Variants in RNF10 observed in about 807,000 individuals in gnomAD.
The protein encoded by RNF10 is E3 ubiquitin-protein ligase RNF10.
RNF10 carries 38 observed loss-of-function variants against 91.4 expected under a neutral mutation model. That is an observed-to-expected ratio of 0.42 (90% CI 0.32 to 0.54). The LOEUF (loss-of-function observed/expected upper bound fraction) is 0.54. RNF10 is among the 20% of genes least tolerant of loss of function. RNF10 has a pLI of 0.16. For missense variants in RNF10, 945 were observed against 1,012.0 expected, an observed-to-expected ratio of 0.93 and a Z score of 0.90; for synonymous variants, 364 against 366.3, an observed-to-expected ratio of 0.99 and a Z score of 0.07.
intron 1 of RNF10, among the ~76,000 whole-genome samples, chr12:120,544,903 A>G (rs1224702175): frequency 6.6e-6 from 1 of 152,208 alleles, no homozygotes; most frequent in East Asian, 1.9e-4. Context: ...GATTGGTTAC[A>G]TTATTCTGTA....
At chr12:120,576,196 G>A (rs528644493) in intron 16 of RNF10, among the ~76,000 whole-genome samples, 1 of 152,326 alleles carries the variant, frequency 6.6e-6, no homozygotes, top group South Asian at 2.1e-4. Context: ...ACAGTGGGGT[G>A]TACAACCTGT....
At chr12:120,544,199 C>T (rs1434645431) in intron 1 of RNF10, among the ~76,000 whole-genome samples, 1 of 151,908 alleles carries the variant, frequency 6.6e-6, no homozygotes, top group Non-Finnish European at 1.5e-5. Context: ...TGCACTCCAG[C>T]CTGGGCAATA....
chr12:120,541,437 C>CTTT lies in RNF10; in HGVS notation c.158-4955_158-4953dup, dbSNP rs3049456. ...GGGGTTCTGCATCCCCTGAGTTTTCCTTTTTTTTTTTTTTTGAGACGGAGT... is the reference window on the plus strand; with the variant it reads ...GGGGTTCTGCATCCCCTGAGTTTTCCTTTTTTTTTTTTTTTTTTGAGACGGAGT... On this transcript the variant is annotated intron_variant, in intron 1 of 16. Transcript: ENST00000325954. 3.9e-3 allele frequency among the ~76,000 whole-genome samples: 543 copies of CTTT among 140,576 alleles called. 10 individuals are homozygous for CTTT. Among genetic ancestry groups the CTTT allele is most frequent in the Admixed American group, 6.6e-3 (91 of 13,752 alleles). 92.2% of individuals were successfully genotyped at this position (140,576 alleles called of 152,430 possible). A position where few individuals can be genotyped will look rare whatever the true frequency, so the allele number is the denominator to read the frequency against.
chr12:120,556,735 T>C (rs1874086399), intron 4 of RNF10, among the ~76,000 whole-genome samples: 1 of 152,252 alleles, frequency 6.6e-6, no homozygotes, highest in South Asian at 2.1e-4. Flanking sequence ...AGTTTTTTTA[T>C]AAATGGGAAT....
At chr12:120,576,377 G>A (rs1401384615) in intron 16 of RNF10, among the ~76,000 whole-genome samples, 1 of 152,184 alleles carries the variant, frequency 6.6e-6, no homozygotes, top group Non-Finnish European at 1.5e-5. Context: ...TGTACCTCAC[G>A]TTACAGATGG....
At chr12:120,544,544 C>T (rs1872027744) in intron 1 of RNF10, among the ~76,000 whole-genome samples, 2 of 152,034 alleles carry the variant, frequency 1.3e-5, no homozygotes, top group Admixed American at 1.3e-4. Context: ...GTAGTCTCAG[C>T]TGCTCAGGAG....
intron 13 of RNF10, among the ~76,000 whole-genome samples, chr12:120,567,854 A>G (rs944664912): frequency 2.1e-5 from 3 of 144,600 alleles, no homozygotes; most frequent in African/African-American, 7.6e-5. Flanking sequence ...AAAGCATTTC[A>G]TTATGGGTGT....
chr12:120,575,567 G>T (rs559815852), intron 14 of RNF10, 64 bp from the exon 15 acceptor site: 1 of 1,575,928 alleles, frequency 6.3e-7, no homozygotes. Flanking sequence ...GTCAAGGTAG[G>T]TCTGAAAAAG....
chr12:120,552,744 G>A (rs747755891), intron 3 of RNF10, 46 bp downstream of exon 3: 15 of 1,542,292 alleles, frequency 9.7e-6, no homozygotes, highest in Admixed American at 1.8e-5. Flanking sequence ...AGGACTCTCC[G>A]GATAGCTGTG....
intron 7 of RNF10, among the ~76,000 whole-genome samples, chr12:120,562,274 T>TC (rs1555228215): frequency 0.012 from 1,671 of 133,810 alleles, 29 homozygotes; most frequent in African/African-American, 0.048. Flanking sequence ...TTTCTTTCTT[T>TC]TTTTTTTTTT....
At chr12:120,542,641 C>G (rs574963708) in intron 1 of RNF10, among the ~76,000 whole-genome samples, 3 of 152,274 alleles carry the variant, frequency 2.0e-5, no homozygotes, top group Non-Finnish European at 2.9e-5. Flanking sequence ...CAACCTCTGC[C>G]TCCCGGGTTC....
intron 1 of RNF10, 139 bp downstream of exon 1, chr12:120,535,107 A>C (rs1870552140): frequency 2.2e-5 from 21 of 947,694 alleles, no homozygotes; most frequent in Admixed American, 3.1e-5. Context: ...CATGGCTCTC[A>C]TTTGCAGTTA....
intron 1 of RNF10, chr12:120,539,414 A>G (rs1871249654): frequency 1.6e-6 from 2 of 1,288,898 alleles, no homozygotes; most frequent in Non-Finnish European, 1.0e-6. Flanking sequence ...TTGATTCTGT[A>G]GTAAGGCCAT....
chr12:120,548,109 A>C (rs2137158758), intron 2 of RNF10, among the ~76,000 whole-genome samples: 1 of 152,344 alleles, frequency 6.6e-6, no homozygotes, highest in East Asian at 1.9e-4. Context: ...AGAAGAGCAC[A>C]AAGTTTTTTT....
chr12:120,552,100 A>C (rs1210353267), intron 2 of RNF10, among the ~76,000 whole-genome samples: 1 of 149,820 alleles, frequency 6.7e-6, no homozygotes, highest in Non-Finnish European at 1.5e-5. Flanking sequence ...AAAAAAAAAA[A>C]ATTCCTCTTC....
intron 1 of RNF10, among the ~76,000 whole-genome samples, chr12:120,538,135 AT>A (rs1871101804): frequency 6.6e-6 from 1 of 152,238 alleles, no homozygotes. Flanking sequence ...GACCTCTTGA[AT>A]TACAGAGTAC....
Position 120,563,515 on chromosome 12 carries a change from G to T in RNF10, c.1423G>T (p.Asp475Tyr). Residue 475 changes from aspartate (D) to tyrosine (Y), a missense_variant, in exon 9 of 17, where the codon GAC becomes TAC. Physicochemically the swap from Asp to Tyr is radical, Grantham distance 160. Transcript: ENST00000325954. Reference protein sequence around the residue: ...EACDDLELADDNLKEGTICTE... With the variant: ...EACDDLELADYNLKEGTICTE... ...CTGTGATGACTTGGAGTTAGCAGAT[G>T]ACAATCTTAAAGAGGGGACCATTTG... 6.2e-7 allele frequency: 1 copy of T among 1,614,172 alleles called. No individual in the cohort carries two copies. The highest frequency in any genetic ancestry group is 8.5e-7 in the Non-Finnish European group (1 of 1,180,026).
At position 120,576,703 on chromosome 12, in the gene RNF10, T is replaced by G; in HGVS notation, c.*37T>G. On this transcript the variant is annotated 3_prime_UTR_variant, in exon 17 of 17. Transcript: ENST00000325954. ...CAGGCTACCTTCTCCATCTGGTTTT[T>G]GTTTTTGTTTTTTTTTCCCCCATGC... The G allele has an allele frequency of 6.3e-7, 1 of 1,589,076 alleles. No homozygotes were observed. The highest frequency in any genetic ancestry group is 8.5e-7 in the Non-Finnish European group (1 of 1,173,298).
intron 1 of RNF10, among the ~76,000 whole-genome samples, chr12:120,538,891 T>G (rs1871192402): frequency 1.3e-5 from 2 of 152,228 alleles, no homozygotes; most frequent in Admixed American, 1.3e-4. Context: ...AGAATGCCTC[T>G]GAGCTGTAAA....
Sources: gnomAD v4.1 joint callset for allele counts (sites outside exome capture counted in the v4.1 genomes callset) on GRCh38, gnomAD v4.1.1 for gene constraint, MANE v1.5 for transcripts, NCBI Gene and HGNC (gene_info 2026-07-23, HGNC 2026-07-21) for gene names.